The following CATSPER3 variants were observed in gnomAD, a reference collection of about 807,000 sequenced individuals.
The protein encoded by CATSPER3 is cation channel sperm-associated protein 3.
CATSPER3 carries 23 observed loss-of-function variants against 36.6 expected under a neutral mutation model. The observed-to-expected ratio is 0.63, with a 90% CI of 0.45 to 0.89. CATSPER3 has a LOEUF of 0.89. Among genes scored for constraint, CATSPER3 ranks in the 40% least tolerant of loss-of-function variants. The pLI, the probability that CATSPER3 is intolerant of heterozygous loss-of-function variation, is 0.00. For synonymous variants in CATSPER3, 172 were observed against 184.1 expected, an observed-to-expected ratio of 0.93 and a Z score of 0.53; for missense variants, 474 against 503.9, an observed-to-expected ratio of 0.94 and a Z score of 0.57.
intron 3 of CATSPER3, among the ~76,000 whole-genome samples, chr5:135,000,755 T>C (rs1752010423): frequency 6.6e-6 from 1 of 152,246 alleles, no homozygotes; most frequent in African/African-American, 2.4e-5. Context: ...TTCTGTGGGA[T>C]TGGTGGTGAT....
intron 2 of CATSPER3, among the ~76,000 whole-genome samples, chr5:134,991,243 G>A (rs1181644728): frequency 6.6e-6 from 1 of 152,144 alleles, no homozygotes; most frequent in Non-Finnish European, 1.5e-5. Context: ...TGCAATTTTT[G>A]TCAAAATTCC....
chr5:134,987,356 A>G (rs894161023), intron 2 of CATSPER3, among the ~76,000 whole-genome samples: 1 of 152,178 alleles, frequency 6.6e-6, no homozygotes, highest in South Asian at 2.1e-4. Context: ...ACCTCCCAAC[A>G]AAGAAAATCT....
intron 3 of CATSPER3, among the ~76,000 whole-genome samples, chr5:135,001,163 T>G (rs1241946249): frequency 9.9e-5 from 15 of 152,234 alleles, no homozygotes; most frequent in Non-Finnish European, 1.5e-5. Context: ...TCTTTATTTC[T>G]GCATTCATTT....
intron 2 of CATSPER3, 56 bp from the exon 3 acceptor site, chr5:134,996,217 G>C: frequency 1.9e-6 from 3 of 1,613,326 alleles, no homozygotes; most frequent in Non-Finnish European, 2.5e-6. Flanking sequence ...GAGCAGGCCA[G>C]AGCTCTAGGG....
At chr5:134,987,024 A>G (rs1409998155) in intron 2 of CATSPER3, among the ~76,000 whole-genome samples, 5 of 152,292 alleles carry the variant, frequency 3.3e-5, no homozygotes, top group African/African-American at 1.2e-4. Context: ...CTAGAACGAG[A>G]TAAACAAAAT....
In CATSPER3 at chr5:135,009,500, C is replaced by G; in HGVS notation, c.936+10C>G. On this transcript the variant is annotated intron_variant, in intron 6 of 7. Coordinates refer to ENST00000282611, the MANE Select transcript of CATSPER3 (RefSeq NM_178019.3). ...GCTGATGCACATACAGGTGAGTGGC[C>G]CCTGCAGGCAGGTGGACAGATGGGT... The G allele has an allele frequency of 6.2e-7, 1 of 1,612,244 alleles. No homozygotes were observed. The highest frequency in any genetic ancestry group is 1.7e-4 in the Middle Eastern group (1 of 6,040).
intron 2 of CATSPER3, among the ~76,000 whole-genome samples, chr5:134,986,458 CTTTTTTTTTT>C (rs61671231): frequency 1.7e-5 from 2 of 116,622 alleles, no homozygotes; most frequent in Admixed American, 1.8e-4. Context: ...ACAGCATACC[CTTTTTTTTTT>C]TTTTTTTTTT....
chr5:135,009,293 A>C, intron 5 of CATSPER3, 78 bp from the exon 6 acceptor site: 1 of 1,480,056 alleles, frequency 6.8e-7, no homozygotes, highest in Middle Eastern at 1.7e-4. Context: ...GCAGCGGTGC[A>C]AGACTGGGGA....
intron 7 of CATSPER3, among the ~76,000 whole-genome samples, chr5:135,011,200 C>T (rs1752176100): frequency 6.6e-6 from 1 of 152,142 alleles, no homozygotes; most frequent in African/African-American, 2.4e-5. Flanking sequence ...ATGGGAGAAA[C>T]CAAAAAGGAA....
At chr5:134,975,252 A>G (rs1751658540) in intron 2 of CATSPER3, 1 of 152,132 alleles carries the variant, frequency 6.6e-6, no homozygotes, top group Non-Finnish European at 1.5e-5. Flanking sequence ...AAGATGTGAG[A>G]GAGCCCTGAT....
chr5:134,996,160 C>T, intron 2 of CATSPER3, 113 bp from the exon 3 acceptor site: 5 of 1,347,046 alleles, frequency 3.7e-6, no homozygotes, highest in South Asian at 1.2e-5. Context: ...CTGGGTTTCT[C>T]TCTCATGTGG....
intron 2 of CATSPER3, among the ~76,000 whole-genome samples, chr5:134,971,107 G>A (rs1484663308): frequency 2.0e-5 from 3 of 151,824 alleles, no homozygotes; most frequent in Non-Finnish European, 2.9e-5. Context: ...CCGCCACAAC[G>A]CCCGGCTAAT....
At chr5:134,990,261 C>T (rs1234679460) in intron 2 of CATSPER3, among the ~76,000 whole-genome samples, 1 of 152,122 alleles carries the variant, frequency 6.6e-6, no homozygotes, top group Non-Finnish European at 1.5e-5. Context: ...TGGTTTTATA[C>T]GTTTCAGGCA....
intron 2 of CATSPER3, among the ~76,000 whole-genome samples, chr5:134,982,640 TAAAC>T (rs1751763798): frequency 6.6e-6 from 1 of 152,128 alleles, no homozygotes; most frequent in South Asian, 2.1e-4. Flanking sequence ...GACTTCCAGA[TAAAC>T]AAAAATGAGA....
At chr5:134,976,566 G>A (rs1751677642) in intron 2 of CATSPER3, among the ~76,000 whole-genome samples, 1 of 152,214 alleles carries the variant, frequency 6.6e-6, no homozygotes, top group African/African-American at 2.4e-5. Flanking sequence ...GCTGCTCATG[G>A]CTCTATCATT....
Position 134,996,354 on chromosome 5 carries a change from A to G in CATSPER3, c.334A>G (p.Asn112Asp), listed in dbSNP as rs1260940445. 6.2e-7 allele frequency: 1 copy of G among 1,614,260 alleles called. No homozygotes were observed. Among genetic ancestry groups the G allele is most frequent in the Admixed American group, 1.7e-5 (1 of 60,030 alleles). The change falls in exon 3 of 8, where the codon AAC becomes GAC. Residue 112 changes from asparagine to aspartate, a missense_variant. Physicochemically the swap from Asn to Asp is conservative, Grantham distance 23 (BLOSUM62 1). Transcript: ENST00000282611. ...TGTGGACCCCATCAACTACTGGAAG[A>G]ACGGCTACAACCTGCTGGATGTGAT... ...VYVDPINYWK[N>D]GYNLLDVIII...
intron 2 of CATSPER3, 138 bp downstream of exon 2, chr5:134,970,230 A>G (rs1751586316): frequency 2.5e-6 from 2 of 795,006 alleles, no homozygotes; most frequent in Non-Finnish European, 2.1e-6. Context: ...ATCTCAGCTC[A>G]CTGCAACCTC....
intron 3 of CATSPER3, among the ~76,000 whole-genome samples, chr5:135,004,913 G>A (rs1274165669): frequency 6.6e-6 from 1 of 152,168 alleles, no homozygotes; most frequent in Non-Finnish European, 1.5e-5. Flanking sequence ...GGGGAACTGG[G>A]TTGTGATGTC....
At chr5:134,973,541 T>G (rs1210587362) in intron 2 of CATSPER3, among the ~76,000 whole-genome samples, 1 of 152,158 alleles carries the variant, frequency 6.6e-6, no homozygotes, top group African/African-American at 2.4e-5. Context: ...ATTCCAGGTC[T>G]AGGGCAGGAG....
Sources: allele counts gnomAD v4.1 joint callset (sites outside exome capture counted in the v4.1 genomes callset), GRCh38; gene constraint gnomAD v4.1.1; transcripts MANE v1.5; gene names NCBI Gene and HGNC (gene_info 2026-07-23, HGNC 2026-07-21).